Variants in PCSK5 observed in about 807,000 individuals in gnomAD.
The protein encoded by PCSK5 is prohormone convertase 5.
A neutral mutation model predicts 233.2 loss-of-function variants in PCSK5; 129 were observed. The ratio of observed to expected loss-of-function variants is 0.55; its 90% confidence interval spans 0.48 to 0.64. The LOEUF (loss-of-function observed/expected upper bound fraction) is 0.64. PCSK5 is among the 30% of genes least tolerant of loss of function. PCSK5 has a pLI of 0.00. For synonymous variants in PCSK5, 825 were observed against 879.2 expected (o/e 0.94, Z 1.09); for missense variants, 2,076 against 2,430.1 (o/e 0.85, Z 3.06).
chr9:75,957,266 T>C (rs1471693618), intron 2 of PCSK5, among the ~76,000 whole-genome samples: 2 of 152,180 alleles, frequency 1.3e-5, no homozygotes, highest in African/African-American at 4.8e-5. Context: ...AAGTGATCCA[T>C]AAGATGGCTT....
intron 20 of PCSK5, among the ~76,000 whole-genome samples, chr9:76,196,334 T>C (rs905263629): frequency 3.9e-5 from 6 of 152,224 alleles, no homozygotes; most frequent in Non-Finnish European, 8.8e-5. Context: ...AAGGTGGCTT[T>C]GTTCAATTTG....
At chr9:75,907,280 G>T (rs1296979870) in intron 1 of PCSK5, among the ~76,000 whole-genome samples, 1 of 151,632 alleles carries the variant, frequency 6.6e-6, no homozygotes, top group East Asian at 1.9e-4. Context: ...ATTAAATATT[G>T]GTTGAATTCT....
chr9:75,928,855 T>A (rs1823641891), intron 1 of PCSK5, among the ~76,000 whole-genome samples: 2 of 151,982 alleles, frequency 1.3e-5, no homozygotes, highest in Admixed American at 1.3e-4. Context: ...GATAATTCTT[T>A]GATACTCATA....
At chr9:75,950,768 G>T (rs1824819867) in intron 2 of PCSK5, among the ~76,000 whole-genome samples, 1 of 152,312 alleles carries the variant, frequency 6.6e-6, no homozygotes, top group African/African-American at 2.4e-5. Flanking sequence ...AGGCTAGGAA[G>T]AAACTGCATC....
chr9:75,911,315 A>G (rs953021039), intron 1 of PCSK5, among the ~76,000 whole-genome samples: 2 of 143,716 alleles, frequency 1.4e-5, no homozygotes, highest in South Asian at 2.2e-4. Flanking sequence ...TAGTGAACCC[A>G]GCAAGTCTTT....
chr9:76,201,657 T>C lies in PCSK5; in HGVS notation c.2626+11911T>C, dbSNP rs377229056. On this transcript the variant is annotated intron_variant, in intron 20 of 37. Coordinates refer to ENST00000674117, the MANE Select transcript of PCSK5 (RefSeq NM_001372043.1). ...TACACACTGTGGCTACATCATGCTT[T>C]GTGTGAACAAGGCAGGAGTCAATAT... 1.5e-4 allele frequency among the ~76,000 whole-genome samples: 23 copies of C among 152,314 alleles called. No individual in the cohort carries two copies. The South Asian group carries it at 2.5e-3, about 16-fold the overall frequency.
chr9:75,929,421 G>T (rs1476775136), intron 1 of PCSK5, among the ~76,000 whole-genome samples: 2 of 151,102 alleles, frequency 1.3e-5, no homozygotes, highest in Non-Finnish European at 2.9e-5. Context: ...ATAACTAGAG[G>T]TGCATATTCT....
intron 20 of PCSK5, among the ~76,000 whole-genome samples, chr9:76,218,287 T>TA (rs140696441): frequency 1.3e-5 from 2 of 151,836 alleles, no homozygotes; most frequent in Admixed American, 6.6e-5. Flanking sequence ...ATGCTAATAA[T>TA]AAAAAAAAGA....
At position 76,348,343 on chromosome 9, in the gene PCSK5, G is replaced by A. The variant is rs1008744214; in HGVS notation, c.4967-2485G>A. On this transcript the variant is annotated intron_variant, in intron 35 of 37. Coordinates refer to ENST00000674117, the MANE Select transcript of PCSK5 (RefSeq NM_001372043.1). ...GGAGAATTGCTTGAACCTGGGAGGC[G>A]AAGTTTGCAGTGAGCTGAGATTGCG... 3.9e-5 allele frequency among the ~76,000 whole-genome samples: 6 copies of A among 152,214 alleles called. No homozygotes were observed. In the South Asian group the frequency reaches 1.0e-3, roughly 26 times the overall value.
At chr9:75,986,831 G>A (rs1428024551) in intron 3 of PCSK5, among the ~76,000 whole-genome samples, 4 of 152,140 alleles carry the variant, frequency 2.6e-5, no homozygotes, top group Non-Finnish European at 4.4e-5. Context: ...TTAACATGTT[G>A]GGAAGAGTAA....
intron 1 of PCSK5, among the ~76,000 whole-genome samples, chr9:75,926,721 T>A (rs1296510324): frequency 6.6e-6 from 1 of 152,254 alleles, no homozygotes; most frequent in African/African-American, 2.4e-5. Context: ...TAACATATTT[T>A]GAAATGTATT....
chr9:76,215,288 G>A, intron 20 of PCSK5, among the ~76,000 whole-genome samples: 1 of 152,194 alleles, frequency 6.6e-6, no homozygotes. Flanking sequence ...AGTCACAGCA[G>A]GTCAGACAGC....
At chr9:76,317,759 G>T (rs1466187165) in intron 30 of PCSK5, among the ~76,000 whole-genome samples, 2 of 152,164 alleles carry the variant, frequency 1.3e-5, no homozygotes, top group Non-Finnish European at 2.9e-5. Flanking sequence ...AAATGTGCCC[G>T]ATTGAACTTG....
intron 3 of PCSK5, among the ~76,000 whole-genome samples, chr9:76,002,485 C>T (rs746249623): frequency 5.9e-5 from 9 of 152,064 alleles, no homozygotes; most frequent in East Asian, 1.9e-4. Context: ...CATCTCCAAA[C>T]GAAAATCATA....
chr9:76,308,061 G>T (rs1828756506), intron 28 of PCSK5, among the ~76,000 whole-genome samples: 1 of 152,088 alleles, frequency 6.6e-6, no homozygotes, highest in Non-Finnish European at 1.5e-5. Flanking sequence ...GCTGGGCATG[G>T]TAGTGCGCAC....
chr9:76,081,112 A>G (rs1221285218), intron 7 of PCSK5, among the ~76,000 whole-genome samples: 2 of 152,172 alleles, frequency 1.3e-5, no homozygotes, highest in African/African-American at 4.8e-5. Flanking sequence ...TTTATTGTCA[A>G]GTATACTTAA....
intron 20 of PCSK5, among the ~76,000 whole-genome samples, chr9:76,220,580 C>T (rs1219173547): frequency 6.6e-6 from 1 of 151,324 alleles, no homozygotes. Context: ...CATCCCACCC[C>T]CAAACCCCAC....
chr9:75,952,303 G>C (rs1486670348), intron 2 of PCSK5, among the ~76,000 whole-genome samples: 2 of 152,126 alleles, frequency 1.3e-5, no homozygotes, highest in African/African-American at 4.8e-5. Flanking sequence ...TTGGACAAAA[G>C]TCTATATCCC....
At chr9:76,234,992 C>G (rs967380587) in intron 22 of PCSK5, among the ~76,000 whole-genome samples, 8 of 152,164 alleles carry the variant, frequency 5.3e-5, no homozygotes, top group African/African-American at 1.9e-4. Context: ...CATCAGCAAC[C>G]TGGGAACGCT....
Sources: allele counts gnomAD v4.1 joint callset (sites outside exome capture counted in the v4.1 genomes callset), GRCh38; gene constraint gnomAD v4.1.1; transcripts MANE v1.5; gene names NCBI Gene and HGNC (gene_info 2026-07-23, HGNC 2026-07-21).